The following SLC27A2 variants were observed in gnomAD, a reference collection of about 807,000 sequenced individuals.
SLC27A2 encodes long-chain fatty acid transport protein 2.
SLC27A2 carries 54 observed loss-of-function variants against 60.0 expected under a neutral mutation model. That is an observed-to-expected ratio of 0.90 (90% CI 0.72 to 1.13). The LOEUF (loss-of-function observed/expected upper bound fraction) is 1.13. Ranked by LOEUF, SLC27A2 falls within the 50% of genes most tolerant of loss-of-function variation. SLC27A2 has a pLI of 0.00. For synonymous variants in SLC27A2, 297 were observed against 297.6 expected (o/e 1.00, Z 0.02); for missense variants, 739 against 777.6 (o/e 0.95, Z 0.59).
intron 1 of SLC27A2, 97 bp downstream of exon 1, chr15:50,183,002 C>A: frequency 8.3e-7 from 1 of 1,208,116 alleles, no homozygotes; most frequent in Non-Finnish European, 1.2e-6. Context: ...GAGGGAGGTT[C>A]AGATCGGAAC....
chr15:50,182,203 C>A lies in SLC27A2; in HGVS notation c.-225C>A. On this transcript the variant is annotated 5_prime_UTR_variant, in exon 1 of 10. Coordinates refer to ENST00000267842, the MANE Select transcript of SLC27A2 (RefSeq NM_003645.4). ...GGGCGGGCTCAGCCGGCCAGTCCTGCCCGGAACCCCCGGCAACGCGCATAC... is the reference window on the plus strand; with the variant it reads ...GGGCGGGCTCAGCCGGCCAGTCCTGACCGGAACCCCCGGCAACGCGCATAC... The A allele has an allele frequency of 1.7e-6, 1 of 592,162 alleles. No homozygotes were observed. Among genetic ancestry groups the A allele is most frequent in the Non-Finnish European group, 2.4e-6 (1 of 413,366 alleles). The allele number at this position is 592,162 out of a possible 1,614,324, so 36.7% of individuals were successfully genotyped here.
chr15:50,197,750 A>G, intron 2 of SLC27A2, 41 bp downstream of exon 2: 1 of 1,463,352 alleles, frequency 6.8e-7, no homozygotes, highest in Non-Finnish European at 9.6e-7. Flanking sequence ...ATTAATCTGA[A>G]GGAGTTAAAT....
At chr15:50,186,169 G>T (rs771220239) in intron 1 of SLC27A2, among the ~76,000 whole-genome samples, 1 of 152,078 alleles carries the variant, frequency 6.6e-6, no homozygotes, top group Non-Finnish European at 1.5e-5. Context: ...GCTTGAGCCC[G>T]GGAGGTTGAG....
rs569965453 is a variant in SLC27A2 at position 50,204,466 on chromosome 15, G to A, written c.848-773G>A. Among the ~76,000 whole-genome samples, 325 of 151,624 alleles carry A rather than the reference G, an allele frequency of 2.1e-3. 1 individual carries two copies. The highest frequency in any genetic ancestry group is 7.8e-3 in the African/African-American group (322 of 41,294). Reference sequence around the variant, plus strand: ...AGTGAGACCCGGGCCAGGTACGGTGGCTCACGCCTGTAATCTCAGCACTTT... The same window carrying A: ...AGTGAGACCCGGGCCAGGTACGGTGACTCACGCCTGTAATCTCAGCACTTT... On this transcript the variant is annotated intron_variant, in intron 3 of 9. Coordinates refer to ENST00000267842, the MANE Select transcript of SLC27A2 (RefSeq NM_003645.4).
At chr15:50,194,698 G>A (rs1031417941) in intron 1 of SLC27A2, among the ~76,000 whole-genome samples, 2 of 152,110 alleles carry the variant, frequency 1.3e-5, no homozygotes, top group South Asian at 2.1e-4. Context: ...CCAAGGCAGT[G>A]GCACAGGAGT....
At chr15:50,201,774 CT>C (rs1051475213) in intron 2 of SLC27A2, among the ~76,000 whole-genome samples, 1 of 152,026 alleles carries the variant, frequency 6.6e-6, no homozygotes, top group Non-Finnish European at 1.5e-5. Context: ...CCAGGATGGT[CT>C]TGATCTCCTG....
At chr15:50,196,677 T>C (rs1202151594) in intron 1 of SLC27A2, among the ~76,000 whole-genome samples, 1 of 152,230 alleles carries the variant, frequency 6.6e-6, no homozygotes, top group African/African-American at 2.4e-5. Flanking sequence ...ATCGCTCAGT[T>C]TAAATGATTT....
In SLC27A2 at chr15:50,182,495, GC is replaced by G. The variant is rs762953926; in HGVS notation, c.71del (p.Pro24HisfsTer7). 3.1e-6 allele frequency: 5 copies of G among 1,611,392 alleles called. No homozygotes were observed. Among genetic ancestry groups the G allele is most frequent in the Non-Finnish European group, 8.5e-7 (1 of 1,178,976 alleles). On this transcript the variant is annotated frameshift_variant, in exon 1 of 10. Coordinates refer to ENST00000267842, the MANE Select transcript of SLC27A2 (RefSeq NM_003645.4). LOFTEE classifies it high-confidence loss of function. ...CTGCCGCTCCTGGTGAACCTCTGCTGCCCATACTTCTTCCAGGACATAGGCT... is the reference window on the plus strand; with the variant it reads ...CTGCCGCTCCTGGTGAACCTCTGCTGCCATACTTCTTCCAGGACATAGGCT... ...LFLPLLVNLC[C>X]PYFFQDIGYF...
At chr15:50,198,856 T>C (rs1351253603) in intron 2 of SLC27A2, among the ~76,000 whole-genome samples, 1 of 152,144 alleles carries the variant, frequency 6.6e-6, no homozygotes, top group East Asian at 1.9e-4. Context: ...TGACAGGAAC[T>C]GTCTCCTTCA....
intron 4 of SLC27A2, among the ~76,000 whole-genome samples, chr15:50,211,814 G>A (rs1411405987): frequency 6.6e-6 from 1 of 152,132 alleles, no homozygotes; most frequent in East Asian, 1.9e-4. Context: ...GCTGAAGCCT[G>A]TAATCCCAGC....
Position 50,202,520 on chromosome 15 carries a change from G to T in SLC27A2, c.722G>T (p.Arg241Leu). Residue 241 changes from arginine to leucine, a missense_variant, in exon 3 of 10, where the codon CGC (arginine) becomes CTC (leucine). Coordinates refer to ENST00000267842, the MANE Select transcript of SLC27A2 (RefSeq NM_003645.4). The stretch of plus-strand genomic sequence containing the variant: ...AAAGCAGCCATGATCACTCATCAGC[G>T]CATATGGTATGGAACTGGCCTCACT... ...LPKAAMITHQ[R>L]IWYGTGLTFV... 1 of 1,614,116 alleles carries T rather than the reference G, an allele frequency of 6.2e-7. No individual in the cohort carries two copies. The highest frequency in any genetic ancestry group is 1.1e-5 in the South Asian group (1 of 91,088).
At position 50,188,963 on chromosome 15, in the gene SLC27A2, G is replaced by GTAGA. The variant is rs1161242870; in HGVS notation, c.478+6073_478+6076dup. Among the ~76,000 whole-genome samples the GTAGA allele has an allele frequency of 9.8e-3, 1,418 of 144,636 alleles. 29 individuals carry two copies. Among genetic ancestry groups the GTAGA allele is most frequent in the African/African-American group, 0.036 (1,353 of 38,028 alleles). 94.9% of individuals were successfully genotyped at this position (144,636 alleles called of 152,430 possible). ...TGACAGAGTGAGACTGTCTAGATAG[G>GTAGA]TAGATAGATAGATAGATAAATAGAT... is the stretch of plus-strand genomic sequence containing the variant. On this transcript the variant is annotated intron_variant, in intron 1 of 9. Transcript: ENST00000267842.
At chr15:50,219,827 C>G (rs537754282) in intron 4 of SLC27A2, among the ~76,000 whole-genome samples, 55 of 152,222 alleles carry the variant, frequency 3.6e-4, no homozygotes, top group African/African-American at 1.3e-3. Context: ...TCATCAGTCC[C>G]CCAGGTGTGT....
chr15:50,223,329 A>C (rs1001072623), intron 5 of SLC27A2, among the ~76,000 whole-genome samples, 170 bp downstream of exon 5: 2 of 152,206 alleles, frequency 1.3e-5, no homozygotes, highest in Admixed American at 6.5e-5. Context: ...ACTTCAAAAA[A>C]TCAGATCCTC....
chr15:50,189,322 G>A (rs374100009), intron 1 of SLC27A2, among the ~76,000 whole-genome samples: 19 of 152,154 alleles, frequency 1.2e-4, no homozygotes, highest in African/African-American at 4.6e-4. Context: ...GTAGGACAGC[G>A]GTGCTCTCCT....
intron 4 of SLC27A2, among the ~76,000 whole-genome samples, chr15:50,209,862 A>AAC (rs1201370753): frequency 6.6e-6 from 1 of 152,178 alleles, no homozygotes; most frequent in South Asian, 2.1e-4. Context: ...CGATGAGAAA[A>AAC]ACACACACAA....
chr15:50,235,942 C>G lies in SLC27A2; in HGVS notation c.1709C>G (p.Thr570Ser), dbSNP rs762328141. 6.2e-7 allele frequency: 1 copy of G among 1,612,704 alleles called. No individual in the cohort carries two copies. Among genetic ancestry groups the G allele is most frequent in the South Asian group, 1.1e-5 (1 of 90,862 alleles). The change falls in exon 10 of 10, where the codon ACT (threonine) becomes AGT (serine). Residue 570 changes from threonine to serine, a missense_variant. Thr to Ser is a moderately conservative substitution (Grantham distance 58, BLOSUM62 1). Coordinates refer to ENST00000267842, the MANE Select transcript of SLC27A2 (RefSeq NM_003645.4). ...CAGGACACCATTGAGATCACTGGAA[C>G]TTTTAAACACCGCAAAATGACCCTG... ...RIQDTIEITG[T>S]FKHRKMTLVE...
Position 50,229,009 on chromosome 15 carries a change from C to T in SLC27A2, c.1522C>T (p.Gln508Ter). 6.2e-7 allele frequency: 1 copy of T among 1,613,476 alleles called. No individual in the cohort carries two copies. The highest frequency in any genetic ancestry group is 8.5e-7 in the Non-Finnish European group (1 of 1,179,474). ...TACAGTTGGACTGGTTGATTTTGTC[C>T]AAGAAGTAAATGTTTATGGAGTGCA... The part of the protein sequence containing the change: ...ADTVGLVDFV[Q>*]EVNVYGVHVP... Residue 508 changes from glutamine to a stop codon, truncating the protein, a stop_gained, in exon 8 of 10, where the codon CAA (glutamine) becomes TAA (stop). Coordinates refer to ENST00000267842, the MANE Select transcript of SLC27A2 (RefSeq NM_003645.4). LOFTEE classifies it high-confidence loss of function.
intron 8 of SLC27A2, among the ~76,000 whole-genome samples, chr15:50,231,442 C>T (rs1422592386): frequency 6.6e-6 from 1 of 152,012 alleles, no homozygotes. Context: ...TGAGCCACCA[C>T]GCCTAGCAAA....
Sources: gnomAD v4.1 joint callset for allele counts (sites outside exome capture counted in the v4.1 genomes callset) on GRCh38, gnomAD v4.1.1 for gene constraint, MANE v1.5 for transcripts, NCBI Gene and HGNC (gene_info 2026-07-23, HGNC 2026-07-21) for gene names.